Variants in TBCEL observed in about 807,000 individuals in gnomAD.
TBCEL encodes the protein tubulin folding cofactor E like, also known as tubulin-specific chaperone cofactor E-like protein.
A neutral mutation model predicts 44.2 loss-of-function variants in TBCEL; 15 were observed. The observed-to-expected ratio is 0.34, with a 90% CI of 0.23 to 0.52. The LOEUF is 0.52. TBCEL is among the 20% of genes least tolerant of loss of function. The probability of loss-of-function intolerance (pLI) is 0.95; values close to 1 mark genes in which losing one functional copy is unlikely to be tolerated. For missense variants in TBCEL, 319 were observed against 506.3 expected (o/e 0.63, Z 3.55); for synonymous variants, 171 against 185.4 (o/e 0.92, Z 0.63).
chr11:121,052,113 T>C (rs1945539227), intron 4 of TBCEL, among the ~76,000 whole-genome samples: 1 of 151,828 alleles, frequency 6.6e-6, no homozygotes, highest in Admixed American at 6.6e-5. Flanking sequence ...TGTCAGTGAT[T>C]CCGATGGGTA....
rs1946256420 is a variant in TBCEL, at chr11:121,089,088, T to G, written c.*1992T>G. The G allele has an allele frequency of 6.6e-6, 1 of 152,158 alleles. No individual in the cohort carries two copies. The highest frequency in any genetic ancestry group is 2.4e-5 in the African/African-American group (1 of 41,448). The allele number at this position is 152,158 out of a possible 1,614,324, so 9.4% of individuals were successfully genotyped here. A position where few individuals can be genotyped will look rare whatever the true frequency, so the allele number is the denominator to read the frequency against. On this transcript the variant is annotated 3_prime_UTR_variant, in exon 9 of 9. Coordinates refer to ENST00000683345, the MANE Select transcript of TBCEL (RefSeq NM_001363644.2). ...ATGTATGCATGAGTGCAGATGAGTTTGAGAGAGAAAAAGTGTAATTGAGCC... is the reference window on the plus strand; with the variant it reads ...ATGTATGCATGAGTGCAGATGAGTTGGAGAGAGAAAAAGTGTAATTGAGCC...
At chr11:121,038,887 C>G (rs1057100041) in intron 2 of TBCEL, among the ~76,000 whole-genome samples, 3 of 152,154 alleles carry the variant, frequency 2.0e-5, no homozygotes, top group Admixed American at 2.0e-4. Context: ...ACTCCCTATT[C>G]TATGGATTCT....
Position 121,068,907 on chromosome 11 carries a change from CA to C in TBCEL, c.956+8828del, listed in dbSNP as rs1454440344. On this transcript the variant is annotated intron_variant, in intron 8 of 8. Transcript: ENST00000683345. The stretch of plus-strand genomic sequence containing the variant: ...GTCTCAAAAAAAAAAAAAAAACAGA[CA>C]AAAAACAGAAACTGTCCTTACTGTT... Among the ~76,000 whole-genome samples the C allele has an allele frequency of 8.7e-5, 13 of 150,182 alleles. No homozygotes were observed. In the South Asian group the frequency reaches 2.5e-3, roughly 29 times the overall value.
intron 1 of TBCEL, among the ~76,000 whole-genome samples, chr11:121,027,649 CCTTT>C (rs1385887726): frequency 6.6e-6 from 1 of 152,158 alleles, no homozygotes; most frequent in Non-Finnish European, 1.5e-5. Context: ...TAAAATGTTC[CCTTT>C]CTTCATGAAA....
At chr11:121,054,630 C>T (rs1192144889) in intron 5 of TBCEL, 1 of 153,188 alleles carries the variant, frequency 6.5e-6, no homozygotes, top group African/African-American at 2.4e-5. Context: ...ATTTCTACTT[C>T]TAAACATTTG....
At chr11:121,044,372 A>G (rs1945389916) in intron 2 of TBCEL, among the ~76,000 whole-genome samples, 1 of 152,080 alleles carries the variant, frequency 6.6e-6, no homozygotes, top group Non-Finnish European at 1.5e-5. Flanking sequence ...AATGTGGTAT[A>G]CAAGATCTCC....
intron 1 of TBCEL, 142 bp downstream of exon 1, chr11:121,024,433 C>G (rs1304525955): frequency 3.9e-5 from 6 of 153,496 alleles, no homozygotes; most frequent in African/African-American, 1.4e-4. Flanking sequence ...TGGGGCCTGT[C>G]TCGAGCAGCT....
At chr11:121,040,125 C>G (rs1945305382) in intron 2 of TBCEL, among the ~76,000 whole-genome samples, 1 of 152,078 alleles carries the variant, frequency 6.6e-6, no homozygotes, top group Non-Finnish European at 1.5e-5. Context: ...TAACTTGAAA[C>G]CTGCAGAAAT....
intron 8 of TBCEL, among the ~76,000 whole-genome samples, chr11:121,071,947 G>T (rs1945941780): frequency 6.6e-6 from 1 of 152,098 alleles, no homozygotes; most frequent in Non-Finnish European, 1.5e-5. Context: ...TCTCCATATT[G>T]CCATGCTCCA....
At position 121,086,793 on chromosome 11, in the gene TBCEL, C is replaced by G. The variant is rs1358883798; in HGVS notation, c.972C>G (p.Ile324Met). The change falls in exon 9 of 9, where the codon ATC becomes ATG. Residue 324 changes from isoleucine to methionine, a missense_variant. By Grantham distance (10) the Ile-to-Met change is conservative. Transcript: ENST00000683345. ...EEVPFRYHEL[I>M]TKYGKLEPLA... is the part of the protein sequence containing the mutation. The stretch of plus-strand genomic sequence containing the variant: ...ATCCTTCTAGGTATCATGAACTGAT[C>G]ACTAAATATGGGAAGTTGGAGCCTT... 1 of 1,613,014 alleles carries G rather than the reference C, an allele frequency of 6.2e-7. No homozygotes were observed. The highest frequency in any genetic ancestry group is 2.2e-5 in the East Asian group (1 of 44,848).
Position 121,038,852 on chromosome 11 carries a change from A to G in TBCEL, c.-18+2240A>G, listed in dbSNP as rs12285361. 8.2e-3 allele frequency among the ~76,000 whole-genome samples: 1,235 copies of G among 151,470 alleles called. 19 individuals carry two copies. Among genetic ancestry groups the G allele is most frequent in the African/African-American group, 0.029 (1,180 of 41,228 alleles). On this transcript the variant is annotated intron_variant, in intron 2 of 8. Transcript: ENST00000683345. ...TAAGCCTCTCAAAGGTATGATTGCT[A>G]CTCTTTTCTCGGCTTATTTACTTAA...
chr11:121,025,580 C>G (rs1160523021), intron 1 of TBCEL, among the ~76,000 whole-genome samples: 7 of 152,098 alleles, frequency 4.6e-5, no homozygotes, highest in Admixed American at 4.6e-4. Flanking sequence ...TGCTGGCTGA[C>G]ATTTACTAAA....
intron 1 of TBCEL, among the ~76,000 whole-genome samples, chr11:121,027,654 C>T (rs1401757836): frequency 1.3e-5 from 2 of 152,160 alleles, no homozygotes; most frequent in East Asian, 1.9e-4. Context: ...TGTTCCCTTT[C>T]TTCATGAAAT....
At chr11:121,060,764 T>C (rs1003021308) in intron 8 of TBCEL, among the ~76,000 whole-genome samples, 4 of 151,956 alleles carry the variant, frequency 2.6e-5, no homozygotes, top group Non-Finnish European at 4.4e-5. Flanking sequence ...ATAACTAGAA[T>C]CGGTTATTGG....
In TBCEL at chr11:121,087,627, G is replaced by A. The variant is rs1007647320; in HGVS notation, c.*531G>A. 1.3e-5 allele frequency: 2 copies of A among 151,632 alleles called. No homozygotes were observed. Among genetic ancestry groups the A allele is most frequent in the African/African-American group, 4.9e-5 (2 of 41,028 alleles). The allele number at this position is 151,632 out of a possible 1,614,324, so 9.4% of individuals were successfully genotyped here. A position where few individuals can be genotyped will look rare whatever the true frequency, so the allele number is the denominator to read the frequency against. On this transcript the variant is annotated 3_prime_UTR_variant, in exon 9 of 9. Coordinates refer to ENST00000683345, the MANE Select transcript of TBCEL (RefSeq NM_001363644.2). ...GTGGTTTACCTAATAGTTTTGTTCT[G>A]TTCATAATTCTTATTTCTCAACCTG...
chr11:121,039,465 C>T (rs1217028320), intron 2 of TBCEL, among the ~76,000 whole-genome samples: 1 of 152,204 alleles, frequency 6.6e-6, no homozygotes, highest in African/African-American at 2.4e-5. Flanking sequence ...TTCCTTCTCA[C>T]TTTCTTTAGT....
intron 5 of TBCEL, chr11:121,054,669 T>C (rs1945588732): frequency 1.3e-5 from 2 of 157,310 alleles, no homozygotes; most frequent in South Asian, 2.1e-4. Flanking sequence ...TTTTCTTCTA[T>C]CTCCTTTCAA....
At chr11:121,060,136 A>G in intron 8 of TBCEL, 51 bp downstream of exon 8, 1 of 1,355,214 alleles carries the variant, frequency 7.4e-7, no homozygotes, top group African/African-American at 1.4e-5. Flanking sequence ...GATGCCAGTT[A>G]AGAACTCTAG....
rs367761920 is a variant in TBCEL at position 121,056,521 on chromosome 11, G to A, written c.712+1213G>A. Reference sequence around the variant, plus strand: ...TACTAAGGAGCATGACTGCTGGATCGTATGGTAAGATTATGATTAGTTTTA... The same window carrying A: ...TACTAAGGAGCATGACTGCTGGATCATATGGTAAGATTATGATTAGTTTTA... On this transcript the variant is annotated intron_variant, in intron 6 of 8. Coordinates refer to ENST00000683345, the MANE Select transcript of TBCEL (RefSeq NM_001363644.2). 1.0e-3 allele frequency among the ~76,000 whole-genome samples: 155 copies of A among 151,848 alleles called. 1 individual carries two copies. The South Asian group carries it at 0.029, about 28-fold the overall frequency.
Sources: allele counts gnomAD v4.1 joint callset (sites outside exome capture counted in the v4.1 genomes callset), GRCh38; gene constraint gnomAD v4.1.1; transcripts MANE v1.5; gene names NCBI Gene and HGNC (gene_info 2026-07-23, HGNC 2026-07-21).